The following PTPRM variants were observed in gnomAD, a reference collection of about 807,000 sequenced individuals.
The protein encoded by PTPRM is receptor-type tyrosine-protein phosphatase mu.
PTPRM carries 47 observed loss-of-function variants against 186.7 expected under a neutral mutation model. That is an observed-to-expected ratio of 0.25 (90% CI 0.20 to 0.32). The LOEUF is 0.32. PTPRM is among the 10% of genes least tolerant of loss of function. PTPRM has a pLI of 1.00. For synonymous variants in PTPRM, 668 were observed against 674.9 expected (o/e 0.99, Z 0.16); for missense variants, 1,494 against 1,865.0 (o/e 0.80, Z 3.66).
intron 7 of PTPRM, among the ~76,000 whole-genome samples, chr18:8,063,907 T>C (rs897371406): frequency 6.6e-6 from 1 of 152,230 alleles, no homozygotes; most frequent in Non-Finnish European, 1.5e-5. Context: ...TTGGACATAC[T>C]GCATTACCTA....
chr18:7,796,619 C>T (rs2145286652), intron 2 of PTPRM, among the ~76,000 whole-genome samples: 1 of 152,334 alleles, frequency 6.6e-6, no homozygotes, highest in Admixed American at 6.5e-5. Context: ...CCACAGTCCT[C>T]TGAGGCTCAA....
intron 5 of PTPRM, among the ~76,000 whole-genome samples, chr18:7,944,000 C>T (rs191414753): frequency 7.5e-4 from 114 of 152,256 alleles, no homozygotes; most frequent in Middle Eastern, 3.4e-3. Context: ...TGCTGACTGA[C>T]GACACACAGA....
At chr18:7,703,808 T>A (rs1257176931) in intron 1 of PTPRM, among the ~76,000 whole-genome samples, 1 of 152,172 alleles carries the variant, frequency 6.6e-6, no homozygotes, top group Admixed American at 6.5e-5. Context: ...TGGCTGTGGG[T>A]TTGTCATAAA....
intron 2 of PTPRM, among the ~76,000 whole-genome samples, chr18:7,818,334 C>T (rs559282630): frequency 6.6e-6 from 1 of 152,244 alleles, no homozygotes; most frequent in South Asian, 2.1e-4. Flanking sequence ...CCATTCAGTT[C>T]CTTTACTTCG....
intron 22 of PTPRM, among the ~76,000 whole-genome samples, chr18:8,319,714 G>T (rs762953062): frequency 9.9e-5 from 15 of 152,212 alleles, no homozygotes; most frequent in Non-Finnish European, 2.1e-4. Flanking sequence ...GATATTTGGA[G>T]CAGGAAGGGG....
intron 26 of PTPRM, chr18:8,377,860 T>G (rs1191262461): frequency 6.4e-6 from 1 of 157,242 alleles, no homozygotes; most frequent in Admixed American, 6.4e-5. Flanking sequence ...TGTTTTGAAT[T>G]AAGAACTTCC....
intron 1 of PTPRM, among the ~76,000 whole-genome samples, chr18:7,578,114 T>C (rs1363796865): frequency 6.6e-6 from 1 of 152,036 alleles, no homozygotes; most frequent in Non-Finnish European, 1.5e-5. Flanking sequence ...GTGTGTTATT[T>C]CATTTTAAAA....
At chr18:8,321,151 T>C (rs2095343048) in intron 22 of PTPRM, among the ~76,000 whole-genome samples, 1 of 152,242 alleles carries the variant, frequency 6.6e-6, no homozygotes. Context: ...CATTCTATGA[T>C]AATTTGAAAT....
intron 2 of PTPRM, among the ~76,000 whole-genome samples, chr18:7,849,476 A>G (rs866278807): frequency 3.9e-5 from 6 of 152,218 alleles, no homozygotes; most frequent in African/African-American, 1.4e-4. Context: ...TCTCTAAAAA[A>G]TAGATGTTAA....
At chr18:7,806,602 C>T (rs1255320750) in intron 2 of PTPRM, among the ~76,000 whole-genome samples, 4 of 152,166 alleles carry the variant, frequency 2.6e-5, no homozygotes, top group African/African-American at 9.7e-5. Context: ...GAGCCACAAC[C>T]ACATTCTGTA....
At chr18:7,949,462 GCAGTGGTTTGATGA>G in intron 6 of PTPRM, 107 bp downstream of exon 6, 1 of 954,564 alleles carries the variant, frequency 1.0e-6, no homozygotes, top group Non-Finnish European at 1.5e-6. Context: ...CTGTTTCTGA[GCAGTGGTTTGATGA>G]CAGGCTATTT....
At chr18:8,053,651 A>G (rs983522056) in intron 7 of PTPRM, among the ~76,000 whole-genome samples, 5 of 152,082 alleles carry the variant, frequency 3.3e-5, no homozygotes, top group Non-Finnish European at 5.9e-5. Context: ...GCACGTCTTT[A>G]TTTACTTTAG....
intron 19 of PTPRM, among the ~76,000 whole-genome samples, chr18:8,267,145 A>T (rs190557869): frequency 6.6e-6 from 1 of 152,182 alleles, no homozygotes; most frequent in African/African-American, 2.4e-5. Context: ...GTAATTATGC[A>T]TGTGAGTTCC....
chr18:7,603,111 G>A (rs919703091), intron 1 of PTPRM, among the ~76,000 whole-genome samples: 1 of 151,740 alleles, frequency 6.6e-6, no homozygotes, highest in African/African-American at 2.4e-5. Flanking sequence ...TGTATTTTTA[G>A]TAGAGATGGG....
chr18:7,587,351 A>C (rs1425547109), intron 1 of PTPRM, among the ~76,000 whole-genome samples: 2 of 152,082 alleles, frequency 1.3e-5, no homozygotes, highest in Non-Finnish European at 2.9e-5. Flanking sequence ...TCATATAAAT[A>C]GATGGATAGG....
At chr18:8,337,586 C>T (rs552888298) in intron 22 of PTPRM, among the ~76,000 whole-genome samples, 2 of 152,282 alleles carry the variant, frequency 1.3e-5, no homozygotes, top group African/African-American at 4.8e-5. Flanking sequence ...CATGAGGCCA[C>T]GTTAGGAAAA....
Position 7,943,014 on chromosome 18 carries a change from C to T in PTPRM, c.664-6167C>T, listed in dbSNP as rs60334764. Reference sequence around the variant, plus strand: ...TCAGGATTTCAAAGGAAACTAATAACGTCATTGAAGGCTTGTATCTTTTTC... The same window carrying T: ...TCAGGATTTCAAAGGAAACTAATAATGTCATTGAAGGCTTGTATCTTTTTC... On this transcript the variant is annotated intron_variant, in intron 5 of 32. Transcript: ENST00000580170. Among the ~76,000 whole-genome samples, 671 of 152,236 alleles carry T rather than the reference C, an allele frequency of 4.4e-3. 4 individuals carry two copies. The highest frequency in any genetic ancestry group is 0.016 in the African/African-American group (644 of 41,540).
chr18:8,064,194 A>G (rs774482630), intron 7 of PTPRM, among the ~76,000 whole-genome samples: 34 of 152,176 alleles, frequency 2.2e-4, no homozygotes, highest in Non-Finnish European at 3.8e-4. Context: ...TAGATAATCT[A>G]TTTCCCAGCG....
chr18:8,205,059 A>G (rs2093909418), intron 14 of PTPRM, among the ~76,000 whole-genome samples: 2 of 152,234 alleles, frequency 1.3e-5, no homozygotes, highest in African/African-American at 4.8e-5. Context: ...AAATGATTTC[A>G]GCCTATCTAA....
Sources: allele counts gnomAD v4.1 joint callset (sites outside exome capture counted in the v4.1 genomes callset), GRCh38; gene constraint gnomAD v4.1.1; transcripts MANE v1.5; gene names NCBI Gene and HGNC (gene_info 2026-07-23, HGNC 2026-07-21).